Variants in ANK3 observed in about 807,000 individuals in gnomAD.
ANK3 encodes the protein ankyrin-3.
ANK3 carries 57 observed loss-of-function variants against 370.9 expected under a neutral mutation model. The observed-to-expected ratio is 0.15, with a 90% CI of 0.12 to 0.19. ANK3 has a LOEUF of 0.19. ANK3 is among the 10% of genes least tolerant of loss of function. The pLI is 1.00. For synonymous variants in ANK3, 1,929 were observed against 1,946.3 expected, an observed-to-expected ratio of 0.99 and a Z score of 0.23; for missense variants, 4,439 against 5,302.1, an observed-to-expected ratio of 0.84 and a Z score of 5.06.
At chr10:60,604,357 G>A (rs1411351661) in intron 2 of ANK3, among the ~76,000 whole-genome samples, 1 of 152,102 alleles carries the variant, frequency 6.6e-6, no homozygotes, top group Non-Finnish European at 1.5e-5. Context: ...TTTTAATGTA[G>A]CAAGATCAAA....
intron 2 of ANK3, among the ~76,000 whole-genome samples, chr10:60,576,487 T>C (rs2077684502): frequency 6.6e-6 from 1 of 152,196 alleles, no homozygotes; most frequent in African/African-American, 2.4e-5. Context: ...TAACACTGAA[T>C]ACAATTGTTT....
chr10:60,452,464 T>A (rs1171603558), intron 2 of ANK3, among the ~76,000 whole-genome samples: 2 of 152,216 alleles, frequency 1.3e-5, no homozygotes, highest in African/African-American at 4.8e-5. Flanking sequence ...CCTTTTAGTA[T>A]TATTGATACC....
intron 1 of ANK3, among the ~76,000 whole-genome samples, chr10:60,386,238 C>T (rs570855851): frequency 2.2e-4 from 34 of 152,010 alleles, no homozygotes; most frequent in African/African-American, 7.2e-4. Context: ...CTAAGCGGCC[C>T]GTGAGCAGAG....
At chr10:60,420,011 C>T (rs992189944) in intron 2 of ANK3, among the ~76,000 whole-genome samples, 5 of 152,114 alleles carry the variant, frequency 3.3e-5, no homozygotes, top group Non-Finnish European at 7.4e-5. Flanking sequence ...AAAAACCAAA[C>T]ATCTGACACG....
chr10:60,170,790 G>A (rs114526627), intron 21 of ANK3, among the ~76,000 whole-genome samples: 2,023 of 152,098 alleles, frequency 0.013, 55 homozygotes, highest in African/African-American at 0.046. Context: ...ACTTAATTTT[G>A]TTCTTAACTC....
At chr10:60,283,257 T>C (rs760865983) in intron 1 of ANK3, among the ~76,000 whole-genome samples, 16 of 152,160 alleles carry the variant, frequency 1.1e-4, no homozygotes, top group Non-Finnish European at 1.8e-4. Flanking sequence ...TGTCCTAGAC[T>C]CAGTATCAGT....
intron 2 of ANK3, among the ~76,000 whole-genome samples, chr10:60,411,409 T>C (rs1410850880): frequency 6.6e-6 from 1 of 152,212 alleles, no homozygotes; most frequent in African/African-American, 2.4e-5. Context: ...AAGTAGATGT[T>C]TTCTTGATGG....
intron 2 of ANK3, among the ~76,000 whole-genome samples, chr10:60,485,079 G>A (rs919500362): frequency 1.3e-5 from 2 of 152,112 alleles, no homozygotes; most frequent in Non-Finnish European, 2.9e-5. Context: ...CAGAATAAAT[G>A]AAGAATTAGG....
At chr10:60,606,619 A>C (rs904514231) in intron 2 of ANK3, among the ~76,000 whole-genome samples, 1 of 152,170 alleles carries the variant, frequency 6.6e-6, no homozygotes. Flanking sequence ...GCCACATTTG[A>C]CATCATTGGA....
At chr10:60,471,121 T>C (rs996019679) in intron 2 of ANK3, among the ~76,000 whole-genome samples, 1 of 152,134 alleles carries the variant, frequency 6.6e-6, no homozygotes, top group Non-Finnish European at 1.5e-5. Context: ...AATCACACCA[T>C]ACAGATAATT....
Position 60,076,428 on chromosome 10 carries a change from T to C in ANK3, c.4453A>G (p.Thr1485Ala), listed in dbSNP as rs2083827376. ...GAGTAAGTGGTGGGGAGGGATCTTG[T>C]TGCTCCTGTACTCCGTTCAACTGTT... The part of the protein sequence containing the change: ...PGMIERSTGA[T>A]RSLPTTYSYK... Residue 1485 changes from threonine (T) to alanine (A), a missense_variant, in exon 37 of 44, where the codon ACA becomes GCA. Thr to Ala is a moderately conservative substitution (Grantham distance 58). Coordinates refer to ENST00000280772, the MANE Select transcript of ANK3 (RefSeq NM_020987.5). 1 of 1,610,060 alleles carries C rather than the reference T, an allele frequency of 6.2e-7. No homozygotes were observed. The highest frequency in any genetic ancestry group is 1.3e-5 in the African/African-American group (1 of 74,728).
intron 7 of ANK3, among the ~76,000 whole-genome samples, chr10:60,251,155 T>C (rs1475702706): frequency 1.3e-5 from 2 of 152,350 alleles, no homozygotes; most frequent in East Asian, 3.9e-4. Flanking sequence ...CACCCAGTGA[T>C]ACATGAAAGC....
intron 40 of ANK3, chr10:60,060,718 G>A (rs2080256435): frequency 6.6e-6 from 1 of 152,162 alleles, no homozygotes; most frequent in East Asian, 1.9e-4. Context: ...TGACCAAGAT[G>A]AAAGGGTTGT....
intron 2 of ANK3, among the ~76,000 whole-genome samples, chr10:60,538,669 A>G (rs2076778439): frequency 6.6e-6 from 1 of 151,880 alleles, no homozygotes; most frequent in African/African-American, 2.4e-5. Context: ...AACATACACC[A>G]TGGTTCTGCA....
At position 60,250,490 on chromosome 10, in the gene ANK3, C is replaced by G. The variant is rs371362678; in HGVS notation, c.798+11369G>C. 5.9e-5 allele frequency among the ~76,000 whole-genome samples: 9 copies of G among 152,172 alleles called. No homozygotes were observed. In the East Asian group the frequency reaches 1.4e-3, roughly 23 times the overall value. Reference sequence around the variant, plus strand: ...AGCAATTCTCCTGCCTCAGCCTCCCCAGTAGCTGGGACTACAGGTGCCTGC... The same window carrying G: ...AGCAATTCTCCTGCCTCAGCCTCCCGAGTAGCTGGGACTACAGGTGCCTGC... On this transcript the variant is annotated intron_variant, in intron 7 of 43. Transcript: ENST00000280772.
intron 2 of ANK3, among the ~76,000 whole-genome samples, chr10:60,608,027 G>A (rs2078151232): frequency 6.6e-6 from 1 of 152,142 alleles, no homozygotes; most frequent in East Asian, 1.9e-4. Context: ...AGATGTATCA[G>A]CAGGCAGCAT....
At chr10:60,386,273 C>A (rs960202610) in intron 1 of ANK3, among the ~76,000 whole-genome samples, 1 of 151,900 alleles carries the variant, frequency 6.6e-6, no homozygotes, top group African/African-American at 2.4e-5. Flanking sequence ...AAAGATATGG[C>A]AGGGAAGGGC....
chr10:60,481,821 C>T (rs2075225636), intron 2 of ANK3, among the ~76,000 whole-genome samples: 1 of 152,200 alleles, frequency 6.6e-6, no homozygotes, highest in Non-Finnish European at 1.5e-5. Flanking sequence ...TCATACCATA[C>T]TTTCATTTGC....
At chr10:60,248,731 G>A (rs2097594804) in intron 7 of ANK3, among the ~76,000 whole-genome samples, 1 of 152,184 alleles carries the variant, frequency 6.6e-6, no homozygotes. Context: ...GCAAAGTGAA[G>A]CTGGAATGGG....
Sources: gnomAD v4.1 joint callset for allele counts (sites outside exome capture counted in the v4.1 genomes callset) on GRCh38, gnomAD v4.1.1 for gene constraint, MANE v1.5 for transcripts, NCBI Gene and HGNC (gene_info 2026-07-23, HGNC 2026-07-21) for gene names.